Variants in ADRA1A observed in about 807,000 individuals in gnomAD.
The protein encoded by ADRA1A is adrenoceptor alpha 1A, also known as alpha-1A adrenergic receptor.
Under a neutral mutation model 29.6 loss-of-function variants are expected in ADRA1A, and 31 were observed. The ratio of observed to expected loss-of-function variants is 1.05; its 90% CI spans 0.79 to 1.41. ADRA1A has a LOEUF of 1.41. Ranked by LOEUF, ADRA1A falls within the 40% of genes most tolerant of loss-of-function variation. The pLI is 0.00. For synonymous variants in ADRA1A, 311 were observed against 254.3 expected (o/e 1.22, Z -2.12); for missense variants, 619 against 601.1 (o/e 1.03, Z -0.31).
intron 2 of ADRA1A, among the ~76,000 whole-genome samples, chr8:26,786,696 C>A (rs900633154): frequency 1.3e-5 from 2 of 149,692 alleles, no homozygotes; most frequent in African/African-American, 2.4e-5. Flanking sequence ...GGGGAAAGAT[C>A]TTTGATCCCC....
intron 2 of ADRA1A, among the ~76,000 whole-genome samples, chr8:26,857,714 C>T (rs522996): frequency 0.14 from 21,341 of 152,098 alleles, 1,543 homozygotes; most frequent in Admixed American, 0.22. Flanking sequence ...TTTCTTCACA[C>T]CATTATCTCT....
chr8:26,759,883 C>T (rs1048048368), intron 2 of ADRA1A, among the ~76,000 whole-genome samples: 3 of 152,170 alleles, frequency 2.0e-5, no homozygotes, highest in African/African-American at 7.2e-5. Flanking sequence ...TAGGCTTTGC[C>T]TTTTGATGTG....
intron 2 of ADRA1A, among the ~76,000 whole-genome samples, chr8:26,814,007 G>A (rs1265905997): frequency 6.6e-6 from 1 of 152,186 alleles, no homozygotes; most frequent in Non-Finnish European, 1.5e-5. Context: ...GCCCACAGAT[G>A]TGGTTTGTTT....
intron 2 of ADRA1A, among the ~76,000 whole-genome samples, chr8:26,760,334 T>C (rs942266864): frequency 1.3e-5 from 2 of 152,198 alleles, no homozygotes; most frequent in African/African-American, 4.8e-5. Context: ...CGTCTCATTG[T>C]GCTCATGAAG....
At chr8:26,762,050 C>A (rs1044087579), downstream of ADRA1A, among the ~76,000 whole-genome samples, 2 of 152,028 alleles carry the variant, frequency 1.3e-5, no homozygotes, top group Admixed American at 1.3e-4. This position sits in a 1 kb window ranked among gnomAD's most constrained non-coding sequence, Gnocchi z 4.0. Flanking sequence ...CCCTCAGGCA[C>A]TCCTAAGGGG....
In ADRA1A at chr8:26,848,080, C is replaced by T. The variant is rs1475799952; in HGVS notation, c.883+16007G>A. On this transcript the variant is annotated intron_variant, in intron 2 of 2. Transcript: ENST00000380573. This position sits in a 1 kb window ranked among gnomAD's most constrained non-coding sequence, Gnocchi z 4.3. ...GCAAAGGGCAGGACCACGTGTGATT[C>T]CAGGGCTTTTAACTGTAGACAGGCC... Among the ~76,000 whole-genome samples, 1 of 152,190 alleles carries T rather than the reference C, an allele frequency of 6.6e-6. No homozygotes were observed. Among genetic ancestry groups the T allele is most frequent in the Non-Finnish European group, 1.5e-5 (1 of 68,032 alleles).
intron 2 of ADRA1A, among the ~76,000 whole-genome samples, chr8:26,827,590 C>T (rs746049551): frequency 6.6e-6 from 1 of 152,188 alleles, no homozygotes. Flanking sequence ...AGGGACAAGA[C>T]AGCGCTCTGG....
chr8:26,818,098 T>C (rs1290229306), intron 2 of ADRA1A, among the ~76,000 whole-genome samples: 1 of 152,170 alleles, frequency 6.6e-6, no homozygotes, highest in African/African-American at 2.4e-5. Flanking sequence ...ACTGTATGAC[T>C]CCATTTATAT....
intron 2 of ADRA1A, among the ~76,000 whole-genome samples, chr8:26,839,453 C>T (rs554675221): frequency 6.6e-5 from 10 of 152,248 alleles, no homozygotes; most frequent in African/African-American, 1.9e-4. Context: ...CCACCATGCC[C>T]GGCCTGAAGA....
intron 2 of ADRA1A, among the ~76,000 whole-genome samples, chr8:26,824,056 G>T (rs762860113): frequency 6.6e-6 from 1 of 152,064 alleles, no homozygotes; most frequent in African/African-American, 2.4e-5. Flanking sequence ...TGCTGTACTG[G>T]CCACTGTCTG....
At chr8:26,859,751 C>A (rs1028559409) in intron 2 of ADRA1A, among the ~76,000 whole-genome samples, 1 of 151,570 alleles carries the variant, frequency 6.6e-6, no homozygotes, top group Admixed American at 6.6e-5. Context: ...TCCCTACTTC[C>A]CTCCTGTCAT....
downstream of ADRA1A, among the ~76,000 whole-genome samples, chr8:26,762,364 G>C (rs1002201971): frequency 6.6e-6 from 1 of 152,110 alleles, no homozygotes; most frequent in African/African-American, 2.4e-5. This position sits in a 1 kb window ranked among gnomAD's most constrained non-coding sequence, Gnocchi z 4.0. Flanking sequence ...CATCCTCCTG[G>C]CACTGTCTCC....
intron 2 of ADRA1A, among the ~76,000 whole-genome samples, chr8:26,836,801 G>A (rs1443615794): frequency 6.6e-6 from 1 of 152,196 alleles, no homozygotes; most frequent in East Asian, 1.9e-4. Context: ...TTGTTCAGAA[G>A]GAGATTCTCT....
At chr8:26,772,835 T>A (rs1429830697) in intron 2 of ADRA1A, among the ~76,000 whole-genome samples, 1 of 150,700 alleles carries the variant, frequency 6.6e-6, no homozygotes, top group Non-Finnish European at 1.5e-5. Context: ...GCACACTCCC[T>A]GCTAAGTTCC....
intron 2 of ADRA1A, among the ~76,000 whole-genome samples, chr8:26,786,647 A>C: frequency 1.3e-5 from 2 of 149,214 alleles, no homozygotes; most frequent in African/African-American, 2.5e-5. Flanking sequence ...TGTCCCCTCC[A>C]CTCACCATTT....
chr8:26,833,864 A>G (rs904711447), intron 2 of ADRA1A, among the ~76,000 whole-genome samples: 1 of 152,238 alleles, frequency 6.6e-6, no homozygotes, highest in Non-Finnish European at 1.5e-5. Context: ...TTTCAATAGG[A>G]TATCTTCATG....
intron 2 of ADRA1A, among the ~76,000 whole-genome samples, chr8:26,843,805 A>T (rs190881726): frequency 1.3e-5 from 2 of 152,364 alleles, no homozygotes; most frequent in East Asian, 3.9e-4. Context: ...TTCAAGTGCA[A>T]TATTTTACAT....
chr8:26,802,970 G>T (rs1258891068), intron 2 of ADRA1A, among the ~76,000 whole-genome samples: 1 of 152,084 alleles, frequency 6.6e-6, no homozygotes, highest in African/African-American at 2.4e-5. Flanking sequence ...AATAAGCCAG[G>T]CAAGGAAAGA....
rs549460168 is a variant in ADRA1A at position 26,823,086 on chromosome 8, T to C, written c.883+41001A>G. 6.6e-6 allele frequency among the ~76,000 whole-genome samples: 1 copy of C among 152,274 alleles called. No homozygotes were observed. Among genetic ancestry groups the C allele is most frequent in the East Asian group, 1.9e-4 (1 of 5,174 alleles). On this transcript the variant is annotated intron_variant, in intron 2 of 2. Transcript: ENST00000380573. This position sits in a 1 kb window ranked among gnomAD's most constrained non-coding sequence, Gnocchi z 4.2. ...AACCATATCACAGGCCAAGAAAGTT[T>C]TTCTCTCCTTTCCAACTGTGAACTG...
Sources: gnomAD v4.1 joint callset for allele counts (sites outside exome capture counted in the v4.1 genomes callset) on GRCh38, gnomAD v4.1.1 for gene constraint, Gnocchi (gnomAD v3.1) non-coding constraint, MANE v1.5 for transcripts, NCBI Gene and HGNC (gene_info 2026-07-23, HGNC 2026-07-21) for gene names.